Variants in DIP2A observed in about 807,000 individuals in gnomAD.
DIP2A encodes disco-interacting protein 2 homolog A.
DIP2A carries 85 observed loss-of-function variants against 177.4 expected under a neutral mutation model. The observed-to-expected ratio is 0.48, with a 90% CI of 0.40 to 0.57. The LOEUF is 0.57. DIP2A is among the 20% of genes least tolerant of loss of function. The pLI, the probability that DIP2A is intolerant of heterozygous loss-of-function variation, is 0.00. For synonymous variants in DIP2A, 886 were observed against 881.8 expected, an observed-to-expected ratio of 1.00 and a Z score of -0.08; for missense variants, 1,791 against 2,100.2, an observed-to-expected ratio of 0.85 and a Z score of 2.88.
At position 46,543,981 on chromosome 21, in the gene DIP2A, GA is replaced by G. The variant is rs1048677996; in HGVS notation, c.2177-1149del. On this transcript the variant is annotated intron_variant, in intron 18 of 37. Coordinates refer to ENST00000417564, the MANE Select transcript of DIP2A (RefSeq NM_015151.4). Reference sequence around the variant, plus strand: ...TGTCTTTGGAGATGAGAATATATTAGAAAAAAACTCAAGAAGAGGCACAGAA... The same window carrying G: ...TGTCTTTGGAGATGAGAATATATTAGAAAAAACTCAAGAAGAGGCACAGAA... Among the ~76,000 whole-genome samples the G allele has an allele frequency of 2.2e-4, 33 of 152,198 alleles. 1 individual carries two copies. The highest frequency in any genetic ancestry group is 7.7e-4 in the African/African-American group (32 of 41,540).
At chr21:46,507,357 G>T (rs532268633) in intron 6 of DIP2A, among the ~76,000 whole-genome samples, 7 of 152,192 alleles carry the variant, frequency 4.6e-5, no homozygotes, top group African/African-American at 1.7e-4. Context: ...TTTACATTTA[G>T]GTAGATAGTT....
chr21:46,475,597 C>T (rs1217946454), intron 1 of DIP2A, among the ~76,000 whole-genome samples: 1 of 152,214 alleles, frequency 6.6e-6, no homozygotes, highest in Non-Finnish European at 1.5e-5. Context: ...AAGACTGCTT[C>T]TTGTTTGATT....
At chr21:46,549,990 G>T in intron 22 of DIP2A, 105 bp downstream of exon 22, 6 of 1,552,928 alleles carry the variant, frequency 3.9e-6, no homozygotes. Context: ...GTCCTCCCTG[G>T]CTCCAGCTTT....
chr21:46,506,739 T>C (rs183416959), intron 6 of DIP2A, among the ~76,000 whole-genome samples: 17 of 78,504 alleles, frequency 2.2e-4, no homozygotes, highest in Non-Finnish European at 4.5e-4. Context: ...TTTCTTTCTT[T>C]CTTTCTTTCT....
At chr21:46,483,057 A>G (rs2056454402) in intron 1 of DIP2A, among the ~76,000 whole-genome samples, 1 of 152,018 alleles carries the variant, frequency 6.6e-6, no homozygotes, top group Admixed American at 6.6e-5. Context: ...GCAGTGATGG[A>G]GTGAGGGGGT....
rs769695992 is a variant in DIP2A, at chr21:46,534,017, C to T, written c.1443C>T (p.Leu481=). 5 of 1,613,464 alleles carry T rather than the reference C, an allele frequency of 3.1e-6. No individual in the cohort carries two copies. Among genetic ancestry groups the T allele is most frequent in the East Asian group, 2.2e-5 (1 of 44,856 alleles). The stretch of plus-strand genomic sequence containing the variant: ...TGTGTGTCACAGGTTGGCCCCCGCT[C>T]TCCTGGCTAGTGATTGATGGGAAGC... The part of the protein sequence containing the change: ...EVAAFKGWPP[L]SWLVIDGKHL... Residue 481 remains leucine (L), a synonymous_variant, in exon 12 of 38, where the codon CTC becomes CTT. Transcript: ENST00000417564.
Position 46,459,080 on chromosome 21 carries a change from C to T in DIP2A, c.-52C>T. ...ACGTAGCCGAGGTTTGCGCTGCCGC[C>T]GCCAGGCCCGGTCCGGTTCCAGCCT... On this transcript the variant is annotated 5_prime_UTR_variant, in exon 1 of 38. Coordinates refer to ENST00000417564, the MANE Select transcript of DIP2A (RefSeq NM_015151.4). 2.2e-6 allele frequency: 3 copies of T among 1,381,834 alleles called. No homozygotes were observed. Among genetic ancestry groups the T allele is most frequent in the South Asian group, 1.6e-5 (1 of 63,714 alleles). 85.6% of individuals were successfully genotyped at this position (1,381,834 alleles called of 1,614,324 possible).
In DIP2A at chr21:46,561,108, C is replaced by T. The variant is rs139810929; in HGVS notation, c.4031+325C>T. On this transcript the variant is annotated intron_variant, in intron 33 of 37. Transcript: ENST00000417564. The stretch of plus-strand genomic sequence containing the variant: ...ACAACCAGGAAGAATAAGAGTGGCC[C>T]CTGTGACATTTGGTTCTTTAGAGGG... The T allele has an allele frequency of 6.3e-6, 5 of 790,164 alleles. No individual in the cohort carries two copies. In the South Asian group the frequency reaches 2.3e-4, roughly 36 times the overall value. The allele number at this position is 790,164 out of a possible 1,614,324, so 48.9% of individuals were successfully genotyped here. A position where few individuals can be genotyped will look rare whatever the true frequency, so the allele number is the denominator to read the frequency against.
At chr21:46,580,978 G>C in the DIP2A span, among the ~76,000 whole-genome samples, 1 of 152,134 alleles carries the variant, frequency 6.6e-6, no homozygotes, top group East Asian at 1.9e-4. Context: ...TCCTGAATTT[G>C]AATGTTGGCC....
intron 2 of DIP2A, among the ~76,000 whole-genome samples, chr21:46,489,863 A>C (rs2056905049): frequency 6.6e-6 from 1 of 152,192 alleles, no homozygotes; most frequent in Non-Finnish European, 1.5e-5. Flanking sequence ...ACTGTTCCCC[A>C]TTCCTTCGCT....
chr21:46,483,715 A>G (rs1042493039), intron 1 of DIP2A, among the ~76,000 whole-genome samples: 1 of 152,244 alleles, frequency 6.6e-6, no homozygotes, highest in East Asian at 1.9e-4. Flanking sequence ...ATACTCAATT[A>G]TGTACTCAAT....
rs375434224 is a variant in DIP2A, at chr21:46,488,233, T to C, written c.164-2367T>C. 2.1e-3 allele frequency among the ~76,000 whole-genome samples: 324 copies of C among 152,312 alleles called. 1 individual carries two copies. The highest frequency in any genetic ancestry group is 7.4e-3 in the African/African-American group (307 of 41,568). On this transcript the variant is annotated intron_variant, in intron 2 of 37. Transcript: ENST00000417564. ...CCCTCTTCCTCCTCCCCACCATTAGTGAACATAAACTTCAGAATAATTAAA... is the reference window on the plus strand; with the variant it reads ...CCCTCTTCCTCCTCCCCACCATTAGCGAACATAAACTTCAGAATAATTAAA...
At position 46,484,789 on chromosome 21, in the gene DIP2A, A is replaced by C; in HGVS notation, c.124A>C (p.Arg42=). The change falls in exon 2 of 38, where the codon AGG becomes CGG. Residue 42 remains arginine (R), a synonymous_variant. Coordinates refer to ENST00000417564, the MANE Select transcript of DIP2A (RefSeq NM_015151.4). ...DITQKGYEKK[R]AKLLARYIPL... ...CACTCAAAAAGGATATGAAAAGAAA[A>C]GGGCAAAGCTGCTTGCACGTTATAT... The C allele has an allele frequency of 6.3e-7, 1 of 1,583,604 alleles. No individual in the cohort carries two copies. The highest frequency in any genetic ancestry group is 2.3e-5 in the East Asian group (1 of 43,940).
chr21:46,460,866 G>A (rs1415286434), intron 1 of DIP2A, among the ~76,000 whole-genome samples: 7 of 151,850 alleles, frequency 4.6e-5, no homozygotes, highest in Admixed American at 2.0e-4. Context: ...GCTAATTTTC[G>A]TATTTTTAGT....
intron 3 of DIP2A, among the ~76,000 whole-genome samples, chr21:46,492,931 CAAAAAAAAAA>C (rs2057101541): frequency 7.4e-6 from 1 of 135,046 alleles, no homozygotes; most frequent in African/African-American, 2.7e-5. Context: ...GACTCTGTCT[CAAAAAAAAAA>C]GGAAGAAAAA....
downstream of DIP2A, among the ~76,000 whole-genome samples, chr21:46,571,307 C>G (rs923867975): frequency 1.3e-5 from 2 of 152,192 alleles, no homozygotes; most frequent in African/African-American, 2.4e-5. Flanking sequence ...AAACCAGTCG[C>G]TGGTGCCAAA....
chr21:46,510,241 T>A (rs2058240884), intron 7 of DIP2A, among the ~76,000 whole-genome samples: 1 of 152,172 alleles, frequency 6.6e-6, no homozygotes, highest in African/African-American at 2.4e-5. Flanking sequence ...GCTGGGAGGC[T>A]AGGCCAGTCT....
At chr21:46,489,053 T>G (rs1188064797) in intron 2 of DIP2A, among the ~76,000 whole-genome samples, 1 of 151,616 alleles carries the variant, frequency 6.6e-6, no homozygotes, top group African/African-American at 2.4e-5. Context: ...CTGCTCATTA[T>G]GTATTTTGTA....
chr21:46,460,827 G>A (rs2054229031), intron 1 of DIP2A, among the ~76,000 whole-genome samples: 1 of 151,860 alleles, frequency 6.6e-6, no homozygotes, highest in Non-Finnish European at 1.5e-5. Context: ...CCGAGTAGCT[G>A]GGATTACAGG....
Sources: allele counts gnomAD v4.1 joint callset (sites outside exome capture counted in the v4.1 genomes callset), GRCh38; gene constraint gnomAD v4.1.1; transcripts MANE v1.5; gene names NCBI Gene and HGNC (gene_info 2026-07-23, HGNC 2026-07-21).